KLHL1: variants seen among roughly 807,000 people sequenced by gnomAD.
KLHL1 encodes the protein kelch-like protein 1.
KLHL1 carries 47 observed loss-of-function variants against 77.7 expected under a neutral mutation model. The observed-to-expected ratio is 0.60, with a 90% CI of 0.48 to 0.77. KLHL1 has a LOEUF of 0.77. KLHL1 is among the 30% of genes least tolerant of loss of function. The pLI is 0.00. For missense variants in KLHL1, 925 were observed against 910.8 expected (o/e 1.02, Z -0.20); for synonymous variants, 360 against 325.2 (o/e 1.11, Z -1.15).
intron 10 of KLHL1, 21 bp from the exon 11 acceptor site, chr13:69,701,782 C>G (rs759325991): frequency 6.5e-7 from 1 of 1,533,216 alleles, no homozygotes; most frequent in African/African-American, 1.4e-5. Context: ...AGATGAAACA[C>G]AACTTAAGAC....
At chr13:69,774,476 G>T (rs1025020854) in intron 7 of KLHL1, among the ~76,000 whole-genome samples, 1 of 151,760 alleles carries the variant, frequency 6.6e-6, no homozygotes, top group Non-Finnish European at 1.5e-5. Flanking sequence ...AATGACTTTT[G>T]CCATATCCTC....
At chr13:69,986,216 T>C (rs1016669860) in intron 1 of KLHL1, among the ~76,000 whole-genome samples, 1 of 151,912 alleles carries the variant, frequency 6.6e-6, no homozygotes, top group South Asian at 2.1e-4. Context: ...GATTGATCAA[T>C]TGATACAAAG....
intron 7 of KLHL1, among the ~76,000 whole-genome samples, chr13:69,790,893 AAAC>A (rs1876839573): frequency 6.6e-6 from 1 of 152,044 alleles, no homozygotes; most frequent in Non-Finnish European, 1.5e-5. Context: ...CTAAAAGCAA[AAAC>A]AACAACAAAT....
intron 9 of KLHL1, among the ~76,000 whole-genome samples, chr13:69,710,294 T>C (rs547277889): frequency 2.9e-4 from 44 of 152,060 alleles, no homozygotes; most frequent in Non-Finnish European, 4.9e-4. Flanking sequence ...CATATATATT[T>C]TAAATTTTCT....
chr13:69,705,066 C>T lies in KLHL1; in HGVS notation c.2187+2559G>A, dbSNP rs73520083. ...TCTTTAGAGACAGGTTAATAAATGA[C>T]ACATTGTCTTTGATTCCTTATGACC... On this transcript the variant is annotated intron_variant, in intron 10 of 10. Transcript: ENST00000377844. Among the ~76,000 whole-genome samples the T allele has an allele frequency of 4.2e-3, 641 of 151,800 alleles. 9 individuals are homozygous for T. Among genetic ancestry groups the T allele is most frequent in the African/African-American group, 0.015 (609 of 41,506 alleles).
intron 1 of KLHL1, among the ~76,000 whole-genome samples, chr13:69,990,590 G>A (rs1885004388): frequency 6.6e-6 from 1 of 152,004 alleles, no homozygotes; most frequent in African/African-American, 2.4e-5. Context: ...TTACATAATG[G>A]TAAAGAGTTC....
intron 1 of KLHL1, among the ~76,000 whole-genome samples, chr13:70,015,732 A>T (rs1314560453): frequency 6.6e-6 from 1 of 152,208 alleles, no homozygotes; most frequent in Admixed American, 6.5e-5. Flanking sequence ...GAGGTTTGAT[A>T]GGTTAGGTGT....
In KLHL1 at chr13:69,896,102, G is replaced by A. The variant is rs371832127; in HGVS notation, c.1015-13607C>T. Reference sequence around the variant, plus strand: ...GGTCCCCTTTTTCTTGGTGGCCGTTGCCTGGAGGTCACTCAGCTTTTAGAC... The same window carrying A: ...GGTCCCCTTTTTCTTGGTGGCCGTTACCTGGAGGTCACTCAGCTTTTAGAC... On this transcript the variant is annotated intron_variant, in intron 4 of 10. Transcript: ENST00000377844. Among the ~76,000 whole-genome samples the A allele has an allele frequency of 1.6e-4, 25 of 152,142 alleles. No individual in the cohort carries two copies. In the East Asian group the frequency reaches 3.1e-3, roughly 19 times the overall value.
chr13:69,950,806 C>T (rs890325173), intron 3 of KLHL1, among the ~76,000 whole-genome samples: 23 of 151,478 alleles, frequency 1.5e-4, no homozygotes, highest in African/African-American at 4.4e-4. Context: ...TTTAAATATT[C>T]TGTTGCTTAA....
intron 7 of KLHL1, among the ~76,000 whole-genome samples, chr13:69,764,120 C>G (rs928851605): frequency 6.6e-5 from 10 of 152,120 alleles, no homozygotes; most frequent in African/African-American, 2.4e-4. Context: ...TTAAATTTAG[C>G]CTGAAGCTGC....
chr13:69,742,624 ATAAG>A (rs1874032585), intron 7 of KLHL1, among the ~76,000 whole-genome samples: 1 of 152,212 alleles, frequency 6.6e-6, no homozygotes, highest in African/African-American at 2.4e-5. Context: ...ATTGTTCCCA[ATAAG>A]TAAGTATGCT....
intron 7 of KLHL1, among the ~76,000 whole-genome samples, chr13:69,760,718 T>C (rs117697759): frequency 0.018 from 2,776 of 152,204 alleles, 45 homozygotes; most frequent in Middle Eastern, 0.037. Flanking sequence ...TATAAAGACT[T>C]TTTTCAGGAG....
intron 5 of KLHL1, among the ~76,000 whole-genome samples, chr13:69,853,322 C>A (rs1353543828): frequency 6.6e-6 from 1 of 151,898 alleles, no homozygotes; most frequent in East Asian, 1.9e-4. Flanking sequence ...TTATAAGGGG[C>A]TTTTCCCCCT....
At chr13:70,009,065 G>T (rs888994699) in intron 1 of KLHL1, among the ~76,000 whole-genome samples, 1 of 151,932 alleles carries the variant, frequency 6.6e-6, no homozygotes, top group Non-Finnish European at 1.5e-5. Flanking sequence ...AATAATTGGG[G>T]GGTTTTGAAA....
intron 10 of KLHL1, among the ~76,000 whole-genome samples, chr13:69,705,053 G>T (rs769633319): frequency 6.6e-6 from 1 of 151,702 alleles, no homozygotes; most frequent in Non-Finnish European, 1.5e-5. Flanking sequence ...TTTAGAGACA[G>T]GTTAATAAAT....
At chr13:69,780,721 T>TATATATATATATAC (rs1876125445) in intron 7 of KLHL1, among the ~76,000 whole-genome samples, 1 of 62,880 alleles carries the variant, frequency 1.6e-5, no homozygotes, top group African/African-American at 6.9e-5. Flanking sequence ...TATATGTATA[T>TATATATATATATAC]ATATATATAT....
At chr13:70,008,040 G>A (rs1885446047) in intron 1 of KLHL1, among the ~76,000 whole-genome samples, 1 of 151,900 alleles carries the variant, frequency 6.6e-6, no homozygotes, top group African/African-American at 2.4e-5. Context: ...CTATTTTGAT[G>A]ATTGGCTCTT....
At chr13:70,080,989 C>A (rs573225832) in intron 1 of KLHL1, among the ~76,000 whole-genome samples, 2 of 152,320 alleles carry the variant, frequency 1.3e-5, no homozygotes, top group East Asian at 1.9e-4. Context: ...AGAGACTTCT[C>A]TTCCCAAAAA....
intron 10 of KLHL1, among the ~76,000 whole-genome samples, chr13:69,704,967 A>C (rs1875559461): frequency 2.5e-4 from 1 of 4,032 alleles, no homozygotes; most frequent in Non-Finnish European, 0.021. Context: ...AAGTACACTT[A>C]GTTGCACAAT....
Sources: allele counts gnomAD v4.1 joint callset (sites outside exome capture counted in the v4.1 genomes callset), GRCh38; gene constraint gnomAD v4.1.1; transcripts MANE v1.5; gene names NCBI Gene and HGNC (gene_info 2026-07-23, HGNC 2026-07-21).